NRAP: variants seen among roughly 807,000 people sequenced by gnomAD.
NRAP encodes nebulin related anchoring protein, also known as nebulin-related-anchoring protein.
Under a neutral mutation model 225.9 loss-of-function variants are expected in NRAP, and 189 were observed. The observed-to-expected ratio is 0.84, with a 90% CI of 0.74 to 0.94. NRAP has a LOEUF of 0.94. Among genes scored for constraint, NRAP ranks in the 40% least tolerant of loss-of-function variants. NRAP has a pLI of 0.00. For synonymous variants in NRAP, 769 were observed against 790.7 expected, an observed-to-expected ratio of 0.97 and a Z score of 0.46; for missense variants, 2,176 against 2,168.7, an observed-to-expected ratio of 1.00 and a Z score of -0.07.
At chr10:113,614,148 G>C (rs761294930) in intron 29 of NRAP, 35 bp downstream of exon 29, 1 of 1,380,988 alleles carries the variant, frequency 7.2e-7, no homozygotes, top group Admixed American at 1.7e-5. Flanking sequence ...TCAGGTGGGG[G>C]CCCTGCAGCC....
At chr10:113,601,014 T>A (rs1846564966) in intron 35 of NRAP, among the ~76,000 whole-genome samples, 1 of 152,210 alleles carries the variant, frequency 6.6e-6, no homozygotes, top group Non-Finnish European at 1.5e-5. Context: ...TGACATTTCC[T>A]GCATGTGCCT....
chr10:113,612,141 A>C, intron 30 of NRAP, 93 bp downstream of exon 30: 1 of 1,003,726 alleles, frequency 1.0e-6, no homozygotes, highest in Non-Finnish European at 1.5e-6. Flanking sequence ...TCTCACTTCC[A>C]GAGATTTCAC....
Position 113,650,160 on chromosome 10 carries a change from C to A in NRAP, c.784-19G>T, listed in dbSNP as rs1237483460. 2 of 1,506,016 alleles carry A rather than the reference C, an allele frequency of 1.3e-6. No individual in the cohort carries two copies. Among genetic ancestry groups the A allele is most frequent in the Non-Finnish European group, 9.2e-7 (1 of 1,082,934 alleles). The allele number at this position is 1,506,016 out of a possible 1,614,324, so 93.3% of individuals were successfully genotyped here. A position where few individuals can be genotyped will look rare whatever the true frequency, so the allele number is the denominator to read the frequency against. ...ACCTCACCTGTTTTAAGGCAAAGGA[C>A]AAACTCGGTGAATTTGACTCCCATG... On this transcript the variant is annotated intron_variant, in intron 8 of 41. Coordinates refer to ENST00000359988, the MANE Select transcript of NRAP (RefSeq NM_198060.4).
intron 8 of NRAP, 26 bp downstream of exon 8, chr10:113,650,412 A>C (rs1213768854): frequency 1.3e-6 from 2 of 1,523,144 alleles, no homozygotes; most frequent in East Asian, 4.5e-5. Flanking sequence ...TCTCCCTAAC[A>C]TGACCACATT....
intron 31 of NRAP, 105 bp downstream of exon 31, chr10:113,610,354 T>TAAAAAAAAAAAAA (rs35334254): frequency 2.5e-6 from 1 of 397,274 alleles, no homozygotes; most frequent in South Asian, 2.8e-5. Flanking sequence ...CATCTCAAAT[T>TAAAAAAAAAAAAA]AAAAAAAAAA....
intron 4 of NRAP, among the ~76,000 whole-genome samples, chr10:113,655,301 G>A (rs1850240570): frequency 6.6e-6 from 1 of 152,034 alleles, no homozygotes; most frequent in Non-Finnish European, 1.5e-5. Flanking sequence ...CTTTGATCTA[G>A]CAACTTTGTT....
Position 113,590,674 on chromosome 10 carries a change from A to T in NRAP, c.4860T>A (p.Ser1620Arg). 1 of 1,614,152 alleles carries T rather than the reference A, an allele frequency of 6.2e-7. No individual in the cohort carries two copies. The highest frequency in any genetic ancestry group is 8.5e-7 in the Non-Finnish European group (1 of 1,180,020). The change falls in exon 40 of 42, where the codon AGT (serine) becomes AGA (arginine). Residue 1620 changes from serine (S) to arginine (R), a missense_variant. This residue lies in a region of NRAP where 445 missense variants were observed against 426.1 expected (regional missense o/e 1.04). Coordinates refer to ENST00000359988, the MANE Select transcript of NRAP (RefSeq NM_198060.4). The stretch of plus-strand genomic sequence containing the variant: ...GCAGGGGCTGCCTGTAGTGCACATC[A>T]CTGGCCAGCTGCTGGCTCCTCTTGG... ...LQAKRSQQLASDVHYRQPLPQ... is the reference protein window; with the variant it reads ...LQAKRSQQLARDVHYRQPLPQ...
intron 2 of NRAP, 79 bp from the exon 3 acceptor site, chr10:113,662,845 T>C (rs1280415887): frequency 1.5e-6 from 1 of 647,400 alleles, no homozygotes; most frequent in East Asian, 3.2e-5. Context: ...AAATTATTTT[T>C]AAATAATAAC....
intron 17 of NRAP, 49 bp downstream of exon 17, chr10:113,631,808 T>C (rs779430419): frequency 1.7e-5 from 20 of 1,200,342 alleles, no homozygotes; most frequent in Non-Finnish European, 2.5e-5. Context: ...ACTGACATTT[T>C]ATTGGAACCA....
At chr10:113,621,301 G>C (rs150655481) in intron 24 of NRAP, among the ~76,000 whole-genome samples, 43 of 126,948 alleles carry the variant, frequency 3.4e-4, no homozygotes, top group African/African-American at 1.2e-3. Flanking sequence ...AGCTCTACCA[G>C]GAAGGGTGTG....
chr10:113,630,306 T>C (rs928151225), intron 18 of NRAP, among the ~76,000 whole-genome samples: 1 of 152,102 alleles, frequency 6.6e-6, no homozygotes, highest in Non-Finnish European at 1.5e-5. Context: ...ACAATAACAA[T>C]GGTGGTTCGG....
At chr10:113,602,098 G>A (rs201488128) in intron 35 of NRAP, among the ~76,000 whole-genome samples, 2 of 152,048 alleles carry the variant, frequency 1.3e-5, no homozygotes, top group East Asian at 3.9e-4. Context: ...GGCTAGTCTC[G>A]AACTTCTGAA....
chr10:113,636,761 C>A (rs780976099), intron 14 of NRAP, among the ~76,000 whole-genome samples: 13 of 152,132 alleles, frequency 8.5e-5, no homozygotes, highest in Non-Finnish European at 1.2e-4. Flanking sequence ...GTAATCCCAG[C>A]ACTTTGGGAG....
rs368088148 is a variant in NRAP, at chr10:113,629,617, C to T, written c.2011G>A (p.Ala671Thr). The T allele has an allele frequency of 3.1e-6, 5 of 1,613,536 alleles. No homozygotes were observed. Among genetic ancestry groups the T allele is most frequent in the Non-Finnish European group, 3.4e-6 (4 of 1,179,624 alleles). The change falls in exon 19 of 42, where the codon GCC becomes ACC. Residue 671 changes from alanine (A) to threonine (T), a missense_variant. Physicochemically the swap from Ala to Thr is moderately conservative, Grantham distance 58 (BLOSUM62 0). This residue lies in a region of NRAP where 1,708 missense variants were observed against 1,695.5 expected (regional missense o/e 1.01). Coordinates refer to ENST00000359988, the MANE Select transcript of NRAP (RefSeq NM_198060.4). ...CTCTGGAGCCCATAGGCCTTCTTGG[C>T]CCACTGAGTCTTCATATCTTCAGGC... ...VLPEDMKTQWAKKAYGLQSEL... is the reference protein window; with the variant it reads ...VLPEDMKTQWTKKAYGLQSEL...
At chr10:113,604,564 G>A in intron 35 of NRAP, 45 bp downstream of exon 35, 2 of 1,561,998 alleles carry the variant, frequency 1.3e-6, no homozygotes, top group Non-Finnish European at 1.8e-6. Flanking sequence ...TTGGTGAAAG[G>A]AGAAAGGCTG....
At chr10:113,651,424 C>G (rs1176787030) in intron 7 of NRAP, among the ~76,000 whole-genome samples, 1 of 152,066 alleles carries the variant, frequency 6.6e-6, no homozygotes, top group East Asian at 1.9e-4. Flanking sequence ...GTTTGCTGTA[C>G]GTATCAGCCC....
Position 113,634,141 on chromosome 10 carries a change from C to A in NRAP, c.1498G>T (p.Ala500Ser), listed in dbSNP as rs1848727499. 6.2e-7 allele frequency: 1 copy of A among 1,613,852 alleles called. No homozygotes were observed. The highest frequency in any genetic ancestry group is 8.5e-7 in the Non-Finnish European group (1 of 1,179,784). The change falls in exon 15 of 42, where the codon GCC (alanine) becomes TCC (serine). Residue 500 changes from alanine to serine, a missense_variant. Physicochemically the swap from Ala to Ser is moderately conservative, Grantham distance 99. This residue lies in a region of NRAP where 1,708 missense variants were observed against 1,695.5 expected (regional missense o/e 1.01). Transcript: ENST00000359988. ...CTCAGCTGCTGGGCATTGATTTTGG[C>A]TTGAACAATCTGTGGGGTGTCAGTC... is the stretch of plus-strand genomic sequence containing the variant. Reference protein sequence around the residue: ...SVTDTPQIVQAKINAQQLSHV... With the variant: ...SVTDTPQIVQSKINAQQLSHV...
intron 10 of NRAP, among the ~76,000 whole-genome samples, chr10:113,646,363 G>A (rs534434169): frequency 6.6e-6 from 1 of 152,266 alleles, no homozygotes; most frequent in Non-Finnish European, 1.5e-5. Flanking sequence ...TTTGGTAAAG[G>A]AAAGAAAAGA....
At position 113,629,712 on chromosome 10, in the gene NRAP, T is replaced by C. The variant is rs1848477608; in HGVS notation, c.1916A>G (p.His639Arg). The C allele has an allele frequency of 5.6e-6, 9 of 1,613,864 alleles. No individual in the cohort carries two copies. The highest frequency in any genetic ancestry group is 5.0e-5 in the Admixed American group (3 of 60,004). The change falls in exon 19 of 42, where the codon CAT (histidine) becomes CGT (arginine). Residue 639 changes from histidine to arginine, a missense_variant. His to Arg is a conservative substitution (Grantham distance 29). Transcript: ENST00000359988. ...HLPMDMVNIR[H>R]AKKAQTLASD... ...GGCGAGAGTTTGGGCCTTCTTAGCA[T>C]GCCTGATGTTTACCATATCCATGGG...
Sources: allele counts gnomAD v4.1 joint callset (sites outside exome capture counted in the v4.1 genomes callset), GRCh38; gene constraint gnomAD v4.1.1; regional missense constraint gnomAD v4.1.1; transcripts MANE v1.5; gene names NCBI Gene and HGNC (gene_info 2026-07-23, HGNC 2026-07-21).